The following DMD variants were observed in gnomAD, a reference collection of about 807,000 sequenced individuals.
The protein encoded by DMD is dystrophin.
A neutral mutation model predicts 330.1 loss-of-function variants in DMD; 63 were observed. The observed-to-expected ratio is 0.19, with a 90% CI of 0.16 to 0.24. The LOEUF (loss-of-function observed/expected upper bound fraction) is 0.24. Ranked by LOEUF, DMD falls within the 10% of genes least tolerant of loss-of-function variation. The pLI is 1.00. For missense variants in DMD, 3,344 were observed against 2,684.1 expected, an observed-to-expected ratio of 1.25 and a Z score of -5.43; for synonymous variants, 1,223 against 959.8, an observed-to-expected ratio of 1.27 and a Z score of -5.07.
At chrX:32,312,941 C>CAAAAAAAAAAAAAAAAAAAAAAAAA (rs1171543953) in intron 41 of DMD, among the ~76,000 whole-genome samples, 2 of 19,199 alleles carry the variant, frequency 1.0e-4, no homozygotes, top group Non-Finnish European at 2.1e-4. Context: ...AGCCTACGAA[C>CAAAAAAAAAAAAAAAAAAAAAAAAA]CAAAAAAAAA....
chrX:33,211,896 T>C (rs2051933994), upstream of DMD, among the ~76,000 whole-genome samples: 1 of 112,458 alleles, frequency 8.9e-6, no homozygotes, highest in Non-Finnish European at 1.9e-5. Flanking sequence ...TTAAATGCCT[T>C]TTTTATCCTC....
At chrX:32,459,642 T>C (rs2098376038) in intron 25 of DMD, among the ~76,000 whole-genome samples, 1 of 111,251 alleles carries the variant, frequency 9.0e-6, no homozygotes, top group Non-Finnish European at 1.9e-5. Context: ...CCACTCTTTC[T>C]TTAAAATCAC....
rs1032254239 is a variant in DMD at position 31,697,959 on chromosome X, C to A, written c.7661-18373G>T. Among the ~76,000 whole-genome samples the A allele has an allele frequency of 5.4e-5, 6 of 112,095 alleles. 1 individual carries two copies. Among genetic ancestry groups the A allele is most frequent in the African/African-American group, 1.9e-4 (6 of 30,833 alleles). ...AACTCCCAAACTGAAATAATGACAA[C>A]TGCAGAACCACAGAATTATTGTGAA... On this transcript the variant is annotated intron_variant, in intron 52 of 78. Coordinates refer to ENST00000357033, the MANE Select transcript of DMD (RefSeq NM_004006.3).
chrX:31,125,291 A>T (rs761343369), intron 78 of DMD, among the ~76,000 whole-genome samples: 5 of 112,151 alleles, frequency 4.5e-5, no homozygotes, highest in African/African-American at 1.6e-4. Context: ...TCACCAAGTC[A>T]GGTTTCCTCA....
intron 9 of DMD, among the ~76,000 whole-genome samples, chrX:32,658,227 T>A (rs911102599): frequency 1.8e-5 from 2 of 111,553 alleles, no homozygotes; most frequent in African/African-American, 3.3e-5. Context: ...AGTCTATATG[T>A]AAAGAAATTA....
chrX:33,074,803 T>TG lies in DMD; in HGVS notation c.32-54604_32-54603insC, dbSNP rs202060050. Among the ~76,000 whole-genome samples the TG allele has an allele frequency of 9.4e-3, 1,053 of 111,433 alleles. 16 individuals carry two copies. Among genetic ancestry groups the TG allele is most frequent in the African/African-American group, 0.033 (1,018 of 30,679 alleles). On this transcript the variant is annotated intron_variant, in intron 1 of 78. Transcript: ENST00000357033. Reference sequence around the variant, plus strand: ...TTCTTGAAATGGTCTTTGCAAAAATTATAACGGTGAGAAAATGATGGAAGT... The same window carrying TG: ...TTCTTGAAATGGTCTTTGCAAAAATTGATAACGGTGAGAAAATGATGGAAGT...
chrX:31,693,985 G>T (rs1178448590), intron 52 of DMD, among the ~76,000 whole-genome samples: 8 of 111,385 alleles, frequency 7.2e-5, no homozygotes, highest in Admixed American at 6.7e-4. Context: ...AATAAAATTG[G>T]AAGTATGTCA....
intron 2 of DMD, among the ~76,000 whole-genome samples, chrX:32,981,610 T>C (rs1202564999): frequency 9.0e-6 from 1 of 111,711 alleles, no homozygotes; most frequent in African/African-American, 3.3e-5. Flanking sequence ...TATATGATAT[T>C]TTTGAAGACA....
At chrX:33,278,689 A>G (rs2053274518) in intron 1 of DMD, among the ~76,000 whole-genome samples, 1 of 111,188 alleles carries the variant, frequency 9.0e-6, no homozygotes. Flanking sequence ...TCCTTTGGGT[A>G]TAAACCCAGT....
At chrX:32,700,764 A>G (rs1603169407) in intron 7 of DMD, among the ~76,000 whole-genome samples, 1 of 111,315 alleles carries the variant, frequency 9.0e-6, no homozygotes, top group East Asian at 2.8e-4. Context: ...GTGGCAATGT[A>G]TTTTCCTTGC....
intron 44 of DMD, among the ~76,000 whole-genome samples, chrX:32,007,507 A>C (rs113474599): frequency 7.2e-5 from 8 of 111,063 alleles, no homozygotes; most frequent in African/African-American, 2.3e-4. Context: ...CTGTGTTAGG[A>C]AACAATTGCA....
intron 63 of DMD, among the ~76,000 whole-genome samples, chrX:31,228,310 G>A (rs1199831544): frequency 9.4e-6 from 1 of 106,826 alleles, no homozygotes; most frequent in Non-Finnish European, 1.9e-5. Context: ...CAGGGCAAAC[G>A]TTTAGCTTCC....
chrX:31,850,913 T>C (rs1427990359), intron 48 of DMD, among the ~76,000 whole-genome samples: 3 of 112,405 alleles, frequency 2.7e-5, no homozygotes, highest in Non-Finnish European at 5.6e-5. Context: ...TGGTCGCATA[T>C]ATTGACTGCA....
intron 34 of DMD, among the ~76,000 whole-genome samples, chrX:32,367,821 T>C (rs965138087): frequency 5.4e-5 from 6 of 112,147 alleles, no homozygotes; most frequent in African/African-American, 1.9e-4. Flanking sequence ...TTATCACCAT[T>C]ATCAACTTGT....
intron 1 of DMD, among the ~76,000 whole-genome samples, chrX:33,031,302 C>CAA (rs34526249): frequency 0.027 from 1,715 of 63,192 alleles, 55 homozygotes; most frequent in African/African-American, 0.084. Flanking sequence ...TTAAAAAGGA[C>CAA]AAAAAAAAAA....
At chrX:31,761,715 T>C (rs1288266891) in intron 51 of DMD, among the ~76,000 whole-genome samples, 3 of 112,400 alleles carry the variant, frequency 2.7e-5, no homozygotes, top group East Asian at 5.6e-4. Context: ...CATAAAAATA[T>C]TCAGAGGCAG....
chrX:33,239,784 A>G (rs1190804442), intron 1 of DMD, among the ~76,000 whole-genome samples: 2 of 111,826 alleles, frequency 1.8e-5, no homozygotes, highest in African/African-American at 6.5e-5. Context: ...ATTTGAAAAA[A>G]ATTAGGTTGA....
At chrX:31,739,899 T>C (rs1213895001) in intron 51 of DMD, among the ~76,000 whole-genome samples, 1 of 107,330 alleles carries the variant, frequency 9.3e-6, no homozygotes, top group Admixed American at 1.0e-4. Flanking sequence ...TTTGAAATGG[T>C]AATAATATTA....
intron 1 of DMD, among the ~76,000 whole-genome samples, chrX:33,125,730 A>C (rs1437629527): frequency 8.9e-6 from 1 of 111,859 alleles, no homozygotes; most frequent in Non-Finnish European, 1.9e-5. Flanking sequence ...CAGTTTTCAA[A>C]CTGTGGCTTT....
Sources: gnomAD v4.1 joint callset for allele counts (sites outside exome capture counted in the v4.1 genomes callset) on GRCh38, gnomAD v4.1.1 for gene constraint, MANE v1.5 for transcripts, NCBI Gene and HGNC (gene_info 2026-07-23, HGNC 2026-07-21) for gene names.